CHST15: variants seen among roughly 807,000 people sequenced by gnomAD.
CHST15 encodes carbohydrate sulfotransferase 15.
Under a neutral mutation model 53.6 loss-of-function variants are expected in CHST15, and 30 were observed. The observed-to-expected ratio is 0.56, with a 90% CI of 0.42 to 0.76. The LOEUF (loss-of-function observed/expected upper bound fraction) is 0.76. Among genes scored for constraint, CHST15 ranks in the 30% least tolerant of loss-of-function variants. The pLI is 0.00. For synonymous variants in CHST15, 296 were observed against 289.8 expected (o/e 1.02, Z -0.22); for missense variants, 627 against 740.5 (o/e 0.85, Z 1.78).
intron 4 of CHST15, among the ~76,000 whole-genome samples, chr10:124,040,921 A>G (rs1947708482): frequency 6.6e-6 from 1 of 152,248 alleles, no homozygotes; most frequent in Non-Finnish European, 1.5e-5. Context: ...TCATTATCTT[A>G]GTCTCTGTTT....
rs141972490 is a variant in CHST15, at chr10:124,044,119, A to ACGGCACAGAGCAGAGGAC, written c.886+443_886+460dup. On this transcript the variant is annotated intron_variant, in intron 3 of 7. Coordinates refer to ENST00000435907, the MANE Select transcript of CHST15 (RefSeq NM_001270764.2). ...GCAGGGAACGGCACAGAGCAGAGGAACGGCACAGAGCAGAGGACCGGCACA... is the reference window on the plus strand; with the variant it reads ...GCAGGGAACGGCACAGAGCAGAGGAACGGCACAGAGCAGAGGACCGGCACAGAGCAGAGGACCGGCACA... 5.4e-3 allele frequency among the ~76,000 whole-genome samples: 809 copies of ACGGCACAGAGCAGAGGAC among 150,322 alleles called. 7 individuals are homozygous for ACGGCACAGAGCAGAGGAC. Among genetic ancestry groups the ACGGCACAGAGCAGAGGAC allele is most frequent in the African/African-American group, 0.018 (750 of 40,710 alleles).
At chr10:124,071,072 G>A (rs1948898564) in intron 1 of CHST15, among the ~76,000 whole-genome samples, 1 of 152,220 alleles carries the variant, frequency 6.6e-6, no homozygotes, top group Admixed American at 6.5e-5. Flanking sequence ...AATTTGATTT[G>A]ATTTGATCTG....
At chr10:124,055,381 C>T (rs1948341206) in intron 1 of CHST15, among the ~76,000 whole-genome samples, 1 of 152,022 alleles carries the variant, frequency 6.6e-6, no homozygotes, top group Non-Finnish European at 1.5e-5. Flanking sequence ...TGATCTCTGG[C>T]TCCCCTGCCT....
chr10:124,038,457 C>T (rs1947605700), intron 5 of CHST15, 58 bp downstream of exon 5: 1 of 1,577,936 alleles, frequency 6.3e-7, no homozygotes, highest in Admixed American at 1.7e-5. Flanking sequence ...GAGAGGGGAA[C>T]ACTGTTCTTC....
At chr10:124,057,545 T>C (rs1329689637) in intron 1 of CHST15, among the ~76,000 whole-genome samples, 1 of 152,190 alleles carries the variant, frequency 6.6e-6, no homozygotes, top group Admixed American at 6.5e-5. Flanking sequence ...ATGAACAGCC[T>C]GGGTCCTCTG....
At chr10:124,055,676 C>T (rs1036155057) in intron 1 of CHST15, among the ~76,000 whole-genome samples, 1 of 152,172 alleles carries the variant, frequency 6.6e-6, no homozygotes, top group Non-Finnish European at 1.5e-5. Context: ...GCGAGCCTGG[C>T]GCAGCTGTGG....
intron 6 of CHST15, 154 bp downstream of exon 6, chr10:124,021,102 C>T: frequency 6.7e-7 from 1 of 1,491,846 alleles, no homozygotes; most frequent in Non-Finnish European, 8.9e-7. Flanking sequence ...GCTTTTACAT[C>T]CATGAATAAT....
chr10:124,043,650 A>C (rs950967863), intron 3 of CHST15, among the ~76,000 whole-genome samples: 2 of 152,348 alleles, frequency 1.3e-5, no homozygotes, highest in Middle Eastern at 3.4e-3. Context: ...CAGTGATCTG[A>C]GGACCGCAGG....
Position 124,025,333 on chromosome 10 carries a change from C to T in CHST15, c.1191-3921G>A, listed in dbSNP as rs185301420. Among the ~76,000 whole-genome samples, 602 of 152,302 alleles carry T rather than the reference C, an allele frequency of 4.0e-3. 9 individuals are homozygous for T. The highest frequency in any genetic ancestry group is 0.014 in the African/African-American group (563 of 41,572). On this transcript the variant is annotated intron_variant, in intron 5 of 7. Transcript: ENST00000435907. ...AGGTGGGTTAAAGTGAACTCACTAC[C>T]TCACTTCCTGTGAGTCACATGTACA...
intron 4 of CHST15, among the ~76,000 whole-genome samples, chr10:124,041,451 T>G (rs1241997814): frequency 6.6e-6 from 1 of 152,184 alleles, no homozygotes; most frequent in African/African-American, 2.4e-5. Context: ...AGGTAGAGCA[T>G]GTGCACTGTA....
chr10:124,057,406 T>C (rs996544503), intron 1 of CHST15, among the ~76,000 whole-genome samples: 3 of 152,194 alleles, frequency 2.0e-5, no homozygotes, highest in Non-Finnish European at 4.4e-5. Context: ...CCACGCACTT[T>C]TGCACCTCTT....
intron 1 of CHST15, among the ~76,000 whole-genome samples, chr10:124,086,921 G>A (rs1246786499): frequency 6.6e-6 from 1 of 152,178 alleles, no homozygotes; most frequent in Admixed American, 6.5e-5. Flanking sequence ...GTGGATCCCA[G>A]GCTCAACCCA....
chr10:124,042,924 C>T (rs1947798594), intron 3 of CHST15, among the ~76,000 whole-genome samples: 1 of 152,050 alleles, frequency 6.6e-6, no homozygotes, highest in African/African-American at 2.4e-5. Context: ...CTCATGGGGC[C>T]CAGCCAGCAC....
intron 5 of CHST15, among the ~76,000 whole-genome samples, chr10:124,035,737 C>T (rs1049499709): frequency 1.3e-5 from 2 of 152,242 alleles, no homozygotes; most frequent in African/African-American, 4.8e-5. Context: ...CTTAACCCAC[C>T]TTCCTGCCTT....
chr10:124,010,373 G>A (rs1846347642), intron 7 of CHST15, 34 bp from the exon 8 acceptor site: 1 of 1,517,250 alleles, frequency 6.6e-7, no homozygotes, highest in East Asian at 2.3e-5. Context: ...CGTAAGGCAG[G>A]AGGCATGGCA....
intron 6 of CHST15, among the ~76,000 whole-genome samples, chr10:124,013,308 G>A (rs569764674): frequency 2.6e-5 from 4 of 152,180 alleles, no homozygotes; most frequent in Non-Finnish European, 5.9e-5. Flanking sequence ...CTAAAGGTCA[G>A]CCACAGCATC....
chr10:124,023,158 AATG>A (rs1048177583), intron 5 of CHST15, among the ~76,000 whole-genome samples: 1 of 151,924 alleles, frequency 6.6e-6, no homozygotes, highest in Non-Finnish European at 1.5e-5. Context: ...TACCTACCAC[AATG>A]GTCCTGAAGA....
chr10:124,035,267 C>A (rs953763095), intron 5 of CHST15, among the ~76,000 whole-genome samples: 2 of 147,932 alleles, frequency 1.4e-5, no homozygotes, highest in Non-Finnish European at 3.0e-5. Context: ...CTGGCTCCAC[C>A]CCTAACAGGG....
At chr10:124,076,071 C>A (rs1312878520) in intron 1 of CHST15, among the ~76,000 whole-genome samples, 1 of 152,256 alleles carries the variant, frequency 6.6e-6, no homozygotes, top group Non-Finnish European at 1.5e-5. Context: ...GGATGAAAAG[C>A]CAGGGGAGAT....
Sources: gnomAD v4.1 joint callset for allele counts (sites outside exome capture counted in the v4.1 genomes callset) on GRCh38, gnomAD v4.1.1 for gene constraint, MANE v1.5 for transcripts, NCBI Gene and HGNC (gene_info 2026-07-23, HGNC 2026-07-21) for gene names.